Variants in NTRK3 observed in about 807,000 individuals in gnomAD.
The protein encoded by NTRK3 is NT-3 growth factor receptor.
A neutral mutation model predicts 91.7 loss-of-function variants in NTRK3; 24 were observed. The observed-to-expected ratio is 0.26, with a 90% CI of 0.19 to 0.37. NTRK3 has a LOEUF of 0.37. NTRK3 is among the 10% of genes least tolerant of loss of function. NTRK3 has a pLI of 1.00. For synonymous variants in NTRK3, 483 were observed against 404.0 expected (o/e 1.20, Z -2.34); for missense variants, 880 against 1,068.9 (o/e 0.82, Z 2.46).
At chr15:88,136,327 A>G (rs1463458973) in intron 8 of NTRK3, 140 bp downstream of exon 8, 6 of 1,154,904 alleles carry the variant, frequency 5.2e-6, no homozygotes, top group Non-Finnish European at 7.6e-6. Flanking sequence ...CGAAATGGCT[A>G]GAAAATATTG....
chr15:88,099,377 C>T (rs2035597), intron 13 of NTRK3: 9 of 189,568 alleles, frequency 4.7e-5, no homozygotes, highest in Admixed American at 1.8e-4. Context: ...ACAGTACCTG[C>T]TAAAAGCTAA....
chr15:88,235,045 G>A lies in NTRK3; in HGVS notation c.248+20861C>T, dbSNP rs559872167. Among the ~76,000 whole-genome samples the A allele has an allele frequency of 3.3e-5, 5 of 152,112 alleles. No homozygotes were observed. The South Asian group carries it at 8.3e-4, about 25-fold the overall frequency. The stretch of plus-strand genomic sequence containing the variant: ...ATCGAAGCTGGACAATCCATTCTCC[G>A]AGAGCCCAGACGCCCTACCCTTACA... On this transcript the variant is annotated intron_variant, in intron 3 of 18. Transcript: ENST00000394480. This position sits in a 1 kb window ranked among gnomAD's most constrained non-coding sequence, Gnocchi z 5.2.
intron 3 of NTRK3, among the ~76,000 whole-genome samples, chr15:88,191,746 G>A (rs1185066267): frequency 6.6e-6 from 1 of 152,270 alleles, no homozygotes; most frequent in East Asian, 1.9e-4. Flanking sequence ...TCAATTATCT[G>A]ATATGTTTAG....
chr15:88,168,562 AAAC>A (rs1186493372), intron 5 of NTRK3, among the ~76,000 whole-genome samples: 1 of 152,246 alleles, frequency 6.6e-6, no homozygotes, highest in East Asian at 1.9e-4. Context: ...TGCTCTTTGC[AAAC>A]ACCACCCTTG....
In NTRK3 at chr15:88,137,581, G is replaced by A. The variant is rs1423964245; in HGVS notation, c.465-20C>T. ...AACTGCCTGTCGGCAAAGAGAGAGGGGAAGGGAACCTCTGAACCGAAGATG... is the reference window on the plus strand; with the variant it reads ...AACTGCCTGTCGGCAAAGAGAGAGGAGAAGGGAACCTCTGAACCGAAGATG... On this transcript the variant is annotated intron_variant, in intron 6 of 18. Coordinates refer to ENST00000394480, the Ensembl canonical transcript of NTRK3. 1 of 1,612,476 alleles carries A rather than the reference G, an allele frequency of 6.2e-7. No homozygotes were observed. Among genetic ancestry groups the A allele is most frequent in the East Asian group, 2.2e-5 (1 of 44,860 alleles).
chr15:87,993,501 GAGA>G (rs1163113682), intron 14 of NTRK3, among the ~76,000 whole-genome samples: 2 of 152,186 alleles, frequency 1.3e-5, no homozygotes, highest in Non-Finnish European at 2.9e-5. Context: ...TACATCAGTA[GAGA>G]AGAATAGTTC....
At chr15:88,227,815 C>A (rs966802070) in intron 3 of NTRK3, among the ~76,000 whole-genome samples, 1 of 152,090 alleles carries the variant, frequency 6.6e-6, no homozygotes, top group Admixed American at 6.5e-5. Context: ...CTACCCTCCC[C>A]CTAGAAGCTG....
At chr15:88,013,285 G>A (rs2077009133) in intron 14 of NTRK3, among the ~76,000 whole-genome samples, 1 of 152,246 alleles carries the variant, frequency 6.6e-6, no homozygotes, top group Admixed American at 6.5e-5. Flanking sequence ...CTTCCTCTAG[G>A]TCAGAGCGTA....
chr15:87,954,321 C>G (rs960587679), intron 14 of NTRK3, among the ~76,000 whole-genome samples: 1 of 152,192 alleles, frequency 6.6e-6, no homozygotes. Context: ...TATGTCTCCT[C>G]TCTAAGTACT....
chr15:87,959,084 A>T (rs946094718), intron 14 of NTRK3, among the ~76,000 whole-genome samples: 15 of 151,266 alleles, frequency 9.9e-5, no homozygotes, highest in Non-Finnish European at 7.4e-5. Context: ...TAGAGCCATG[A>T]CAGCAGCCAC....
chr15:88,070,761 G>A (rs1458870183), intron 13 of NTRK3, among the ~76,000 whole-genome samples: 1 of 152,026 alleles, frequency 6.6e-6, no homozygotes, highest in African/African-American at 2.4e-5. Flanking sequence ...CAGCACCACA[G>A]CAAAATGTTT....
chr15:88,228,878 G>A (rs1008727490), intron 3 of NTRK3, among the ~76,000 whole-genome samples: 2 of 152,124 alleles, frequency 1.3e-5, no homozygotes, highest in African/African-American at 2.4e-5. Context: ...TGGCAACAAG[G>A]GATGGCCAGG....
At chr15:87,882,242 T>C (rs1410264799) in intron 17 of NTRK3, among the ~76,000 whole-genome samples, 1 of 152,164 alleles carries the variant, frequency 6.6e-6, no homozygotes, top group East Asian at 1.9e-4. Flanking sequence ...GATAGTTTTG[T>C]ATCCAGTGTA....
At chr15:87,958,517 T>C (rs888115593) in intron 14 of NTRK3, among the ~76,000 whole-genome samples, 4 of 151,918 alleles carry the variant, frequency 2.6e-5, no homozygotes, top group African/African-American at 9.7e-5. Flanking sequence ...GAATCTGACC[T>C]TCCCCAGGGC....
chr15:88,117,982 C>A (rs1036922125), intron 13 of NTRK3, among the ~76,000 whole-genome samples: 1 of 152,230 alleles, frequency 6.6e-6, no homozygotes, highest in Admixed American at 6.5e-5. Flanking sequence ...CTCCTCTCTA[C>A]TCCCCTGCCC....
intron 13 of NTRK3, among the ~76,000 whole-genome samples, chr15:88,088,548 T>C (rs2048718597): frequency 6.6e-6 from 1 of 152,182 alleles, no homozygotes; most frequent in African/African-American, 2.4e-5. Flanking sequence ...AGTAATGTAA[T>C]ATATATAAGG....
chr15:87,891,645 G>T (rs2141574593), intron 17 of NTRK3, among the ~76,000 whole-genome samples: 1 of 152,088 alleles, frequency 6.6e-6, no homozygotes, highest in East Asian at 1.9e-4. Flanking sequence ...CTGTTCTTGG[G>T]TTTTTTCACT....
intron 14 of NTRK3, among the ~76,000 whole-genome samples, chr15:87,992,615 G>A (rs1315102655): frequency 6.6e-6 from 1 of 152,238 alleles, no homozygotes; most frequent in African/African-American, 2.4e-5. Flanking sequence ...CCCAGGCAAT[G>A]AGCAAAGTGC....
At chr15:88,098,578 T>C (rs1198354337) in intron 13 of NTRK3, 1 of 230,284 alleles carries the variant, frequency 4.3e-6, no homozygotes, top group Non-Finnish European at 8.6e-6. Context: ...TTTCTTTTCT[T>C]GAGCAGAGGG....
Sources: gnomAD v4.1 joint callset for allele counts (sites outside exome capture counted in the v4.1 genomes callset) on GRCh38, gnomAD v4.1.1 for gene constraint, Gnocchi (gnomAD v3.1) non-coding constraint, MANE v1.5 for transcripts, NCBI Gene and HGNC (gene_info 2026-07-23, HGNC 2026-07-21) for gene names.